Variants in ADAMTS18 observed in about 807,000 individuals in gnomAD.
ADAMTS18 encodes the protein ADAM metallopeptidase with thrombospondin type 1 motif 18, also known as A disintegrin and metalloproteinase with thrombospondin motifs 18.
In ADAMTS18, 157 loss-of-function variants were observed where a neutral mutation model predicts 165.9. That is an observed-to-expected ratio of 0.95 (90% CI 0.83 to 1.08). ADAMTS18 has a LOEUF of 1.08. Among genes scored for constraint, ADAMTS18 ranks in the 50% least tolerant of loss-of-function variants. The probability of loss-of-function intolerance (pLI) is 0.00; values close to 1 mark genes in which losing one functional copy is unlikely to be tolerated. For missense variants in ADAMTS18, 2,040 were observed against 1,534.0 expected (o/e 1.33, Z -5.51); for synonymous variants, 782 against 578.2 (o/e 1.35, Z -5.06).
chr16:77,370,741 ACT>A lies in ADAMTS18; in HGVS notation c.496-3020_496-3019del, dbSNP rs575067511. Among the ~76,000 whole-genome samples, 336 of 151,690 alleles carry A rather than the reference ACT, an allele frequency of 2.2e-3. 2 individuals carry two copies. Among genetic ancestry groups the A allele is most frequent in the African/African-American group, 7.7e-3 (317 of 41,292 alleles). On this transcript the variant is annotated intron_variant, in intron 3 of 22. Coordinates refer to ENST00000282849, the MANE Select transcript of ADAMTS18 (RefSeq NM_199355.4). ...CTCCAGCGTGGGCATTAAGAGCAAA[ACT>A]CTGTCTCAAAAAAAACCAAGAAAAC... is the stretch of plus-strand genomic sequence containing the variant.
chr16:77,358,638 C>T (rs2056667145), intron 8 of ADAMTS18, among the ~76,000 whole-genome samples: 1 of 152,106 alleles, frequency 6.6e-6, no homozygotes, highest in African/African-American at 2.4e-5. Flanking sequence ...GCTTTTAAGT[C>T]AAAAATTAAC....
intron 3 of ADAMTS18, among the ~76,000 whole-genome samples, chr16:77,391,478 C>T (rs2057186192): frequency 7.0e-6 from 1 of 142,174 alleles, no homozygotes; most frequent in Non-Finnish European, 1.5e-5. Flanking sequence ...GGCAACAGCG[C>T]AAGACTCAGT....
In ADAMTS18 at chr16:77,289,329, A is replaced by T; in HGVS notation, c.3485T>A (p.Leu1162His). The T allele has an allele frequency of 6.2e-7, 1 of 1,614,106 alleles. No homozygotes were observed. The highest frequency in any genetic ancestry group is 8.5e-7 in the Non-Finnish European group (1 of 1,180,000). The change falls in exon 22 of 23, where the codon CTC becomes CAC. Residue 1162 changes from leucine (L) to histidine (H), a missense_variant. Physicochemically the swap from Leu to His is moderately conservative, Grantham distance 99 (BLOSUM62 -3). Coordinates refer to ENST00000282849, the MANE Select transcript of ADAMTS18 (RefSeq NM_199355.4). The part of the protein sequence containing the change: ...QQGRPSSSCL[L>H]HQKPPVLRAC... ...TCGTAGCACCGGAGGTTTCTGATGG[A>T]GCAGACAACTTGAGGAAGGCCGGCC...
intron 3 of ADAMTS18, among the ~76,000 whole-genome samples, chr16:77,381,327 G>C (rs910193303): frequency 6.6e-6 from 1 of 152,104 alleles, no homozygotes; most frequent in Non-Finnish European, 1.5e-5. Context: ...TGAAATGCTG[G>C]ACTCTGAAGG....
At chr16:77,297,251 T>A in intron 18 of ADAMTS18, 38 bp downstream of exon 18, 1 of 1,613,384 alleles carries the variant, frequency 6.2e-7, no homozygotes. Flanking sequence ...GGCATACAAG[T>A]ACAAAACTAA....
intron 3 of ADAMTS18, among the ~76,000 whole-genome samples, chr16:77,388,230 G>A (rs554966674): frequency 1.7e-4 from 26 of 152,272 alleles, no homozygotes; most frequent in Admixed American, 5.2e-4. Context: ...CTCCTGAGTC[G>A]CTGAGATTAT....
At chr16:77,384,337 G>A (rs757131859) in intron 3 of ADAMTS18, among the ~76,000 whole-genome samples, 3 of 152,070 alleles carry the variant, frequency 2.0e-5, no homozygotes, top group Non-Finnish European at 2.9e-5. Flanking sequence ...ACCATTCACA[G>A]CACATATCAA....
chr16:77,411,728 C>G (rs1002072221), intron 3 of ADAMTS18, among the ~76,000 whole-genome samples: 10 of 129,594 alleles, frequency 7.7e-5, no homozygotes, highest in Admixed American at 2.7e-4. Context: ...GCCCTGTCAC[C>G]TGGGCTGGAG....
chr16:77,416,353 A>G (rs1242583053), intron 3 of ADAMTS18, among the ~76,000 whole-genome samples: 3 of 152,192 alleles, frequency 2.0e-5, no homozygotes, highest in Non-Finnish European at 2.9e-5. Context: ...AATCTGGATT[A>G]TATACTGATA....
intron 17 of ADAMTS18, among the ~76,000 whole-genome samples, chr16:77,299,146 G>C (rs1323577877): frequency 2.0e-5 from 3 of 152,238 alleles, no homozygotes; most frequent in Non-Finnish European, 4.4e-5. Context: ...GTGAAGAGAT[G>C]TCTATAACAT....
intron 12 of ADAMTS18, among the ~76,000 whole-genome samples, chr16:77,332,144 G>T (rs767507163): frequency 6.6e-6 from 1 of 152,166 alleles, no homozygotes; most frequent in African/African-American, 2.4e-5. Context: ...TCATAGATCA[G>T]AAGTGTTAGG....
chr16:77,400,050 C>T (rs1470106999), intron 3 of ADAMTS18, among the ~76,000 whole-genome samples: 1 of 152,172 alleles, frequency 6.6e-6, no homozygotes, highest in Non-Finnish European at 1.5e-5. Context: ...ATCAACGCCC[C>T]ATAGCCAGAT....
chr16:77,352,578 G>C (rs952572841), intron 10 of ADAMTS18, among the ~76,000 whole-genome samples: 2 of 152,132 alleles, frequency 1.3e-5, no homozygotes. Flanking sequence ...GCCTTATGTG[G>C]GGCACAGGCT....
Position 77,359,349 on chromosome 16 carries a change from C to T in ADAMTS18, c.1291G>A (p.Ala431Thr). Residue 431 changes from alanine (A) to threonine (T), a missense_variant, in exon 8 of 23, where the codon GCC (alanine) becomes ACC (threonine). By Grantham distance (58) the Ala-to-Thr change is moderately conservative (BLOSUM62 0). Transcript: ENST00000282849. ...TINEDTGLGL[A>T]FTIAHESGHN... ...CCTGACTCATGAGCGATGGTGAAGG[C>T]AAGGCCAAGTCCTGTGTCCTCATTG... 1 of 1,614,098 alleles carries T rather than the reference C, an allele frequency of 6.2e-7. No individual in the cohort carries two copies. Among genetic ancestry groups the T allele is most frequent in the Non-Finnish European group, 8.5e-7 (1 of 1,180,024 alleles).
In ADAMTS18 at chr16:77,321,177, C is replaced by G; in HGVS notation, c.2189G>C (p.Gly730Ala). ...ACAAGCATCTGAAACTGCTTTAGAG[C>G]CTAGTTCATGATCACATCCCACTAG... ...CELVGCDHEL[G>A]SKAVSDACGV... Residue 730 changes from glycine (G) to alanine (A), a missense_variant, in exon 15 of 23, where the codon GGC becomes GCC. Physicochemically the swap from Gly to Ala is moderately conservative, Grantham distance 60 (BLOSUM62 0). Coordinates refer to ENST00000282849, the MANE Select transcript of ADAMTS18 (RefSeq NM_199355.4). 1 of 1,614,128 alleles carries G rather than the reference C, an allele frequency of 6.2e-7. No homozygotes were observed. The highest frequency in any genetic ancestry group is 1.1e-5 in the South Asian group (1 of 91,080).
intron 3 of ADAMTS18, among the ~76,000 whole-genome samples, chr16:77,412,429 A>T (rs1283562453): frequency 6.6e-6 from 1 of 152,128 alleles, no homozygotes; most frequent in Admixed American, 6.5e-5. Flanking sequence ...GACTCAAGCG[A>T]TCCTCCTGCC....
In ADAMTS18 at chr16:77,434,710, G is replaced by T. The variant is rs942697439; in HGVS notation, c.-15C>A. The T allele has an allele frequency of 1.9e-5, 27 of 1,432,008 alleles. No individual in the cohort carries two copies. Among genetic ancestry groups the T allele is most frequent in the South Asian group, 4.2e-5 (3 of 71,826 alleles). The allele number at this position is 1,432,008 out of a possible 1,614,324, so 88.7% of individuals were successfully genotyped here. ...GCGCACTCCATGGTCAGGTGCGGAC[G>T]CGGCGGCTGCGGGTGGCCAGACGCG... On this transcript the variant is annotated 5_prime_UTR_variant, in exon 1 of 23. Coordinates refer to ENST00000282849, the MANE Select transcript of ADAMTS18 (RefSeq NM_199355.4).
intron 11 of ADAMTS18, among the ~76,000 whole-genome samples, chr16:77,340,896 A>AT (rs1046053446): frequency 2.0e-5 from 3 of 152,074 alleles, no homozygotes; most frequent in South Asian, 2.1e-4. Flanking sequence ...ACCAATGACC[A>AT]TTTTTTTCTG....
At chr16:77,286,333 C>T (rs1453636143) in intron 22 of ADAMTS18, among the ~76,000 whole-genome samples, 1 of 152,120 alleles carries the variant, frequency 6.6e-6, no homozygotes, top group African/African-American at 2.4e-5. Flanking sequence ...TACTTTCTGA[C>T]ACTGTGTGCT....
Sources: allele counts gnomAD v4.1 joint callset (sites outside exome capture counted in the v4.1 genomes callset), GRCh38; gene constraint gnomAD v4.1.1; transcripts MANE v1.5; gene names NCBI Gene and HGNC (gene_info 2026-07-23, HGNC 2026-07-21).